SLC22A25: variants seen among roughly 807,000 people sequenced by gnomAD.
SLC22A25 encodes MGI:2442751, MGI:2385316, MGI:3042283, MGI:3645714, MGI:3605624, MGI:2442750.
A neutral mutation model predicts 45.9 loss-of-function variants in SLC22A25; 44 were observed. That is an observed-to-expected ratio of 0.96 (90% CI 0.75 to 1.23). SLC22A25 has a LOEUF of 1.23. SLC22A25 is among the 50% of genes most tolerant of loss of function. The pLI, the probability that SLC22A25 is intolerant of heterozygous loss-of-function variation, is 0.00. For missense variants in SLC22A25, 800 were observed against 666.4 expected (o/e 1.20, Z -2.21); for synonymous variants, 283 against 238.6 (o/e 1.19, Z -1.72).
chr11:63,180,159 C>T (rs373672819), intron 9 of SLC22A25, among the ~76,000 whole-genome samples: 1 of 152,064 alleles, frequency 6.6e-6, no homozygotes, highest in Non-Finnish European at 1.5e-5. Flanking sequence ...TATTTTTGTC[C>T]AGTCATTATT....
intron 7 of SLC22A25, among the ~76,000 whole-genome samples, chr11:63,189,481 G>A (rs553847388): frequency 2.6e-5 from 4 of 152,254 alleles, no homozygotes; most frequent in Non-Finnish European, 5.9e-5. Flanking sequence ...ACATTGATGG[G>A]TCTTGACTCT....
At chr11:63,191,956 T>A (rs2134756199) in intron 7 of SLC22A25, among the ~76,000 whole-genome samples, 1 of 151,202 alleles carries the variant, frequency 6.6e-6, no homozygotes, top group East Asian at 1.9e-4. Context: ...AACATTCAAA[T>A]TCAGGAAATG....
chr11:63,242,772 G>T (rs572524005), intron 1 of SLC22A25, among the ~76,000 whole-genome samples: 1 of 152,056 alleles, frequency 6.6e-6, no homozygotes, highest in Non-Finnish European at 1.5e-5. Context: ...GCCTTCCCTC[G>T]TTTCTATTGC....
rs563225963 is a variant in SLC22A25, at chr11:63,168,683, A to G, written c.1071-2425T>C. 3.3e-5 allele frequency among the ~76,000 whole-genome samples: 5 copies of G among 152,346 alleles called. No homozygotes were observed. In the South Asian group the frequency reaches 8.3e-4, roughly 25 times the overall value. On this transcript the variant is annotated intron_variant, in intron 9 of 11. Transcript: ENST00000306494. ...GGGACTCTGTGAAAAGACCAAATCT[A>G]TGATGGATTGGTGTACCTGAAAGTG... is the stretch of plus-strand genomic sequence containing the variant.
At chr11:63,195,491 C>T (rs969775858) in intron 7 of SLC22A25, among the ~76,000 whole-genome samples, 1 of 152,180 alleles carries the variant, frequency 6.6e-6, no homozygotes, top group African/African-American at 2.4e-5. Context: ...GAACGACCTG[C>T]TCCTGAATGA....
At chr11:63,215,142 T>C (rs1038402725) in intron 7 of SLC22A25, among the ~76,000 whole-genome samples, 1 of 152,218 alleles carries the variant, frequency 6.6e-6, no homozygotes, top group Admixed American at 6.5e-5. Context: ...CATATGTTTA[T>C]TGCAGAACTA....
At chr11:63,235,249 G>C (rs189484796) in intron 3 of SLC22A25, among the ~76,000 whole-genome samples, 151 of 152,284 alleles carry the variant, frequency 9.9e-4, no homozygotes, top group African/African-American at 3.5e-3. Flanking sequence ...TTTCCAACTT[G>C]GTTCCATTCT....
chr11:63,185,055 A>G (rs139659675), intron 7 of SLC22A25, among the ~76,000 whole-genome samples: 100 of 152,300 alleles, frequency 6.6e-4, no homozygotes, highest in East Asian at 5.6e-3. Context: ...ACAAAATATC[A>G]TAGAGTAGAA....
intron 7 of SLC22A25, among the ~76,000 whole-genome samples, chr11:63,205,588 C>T (rs1207337632): frequency 3.9e-5 from 6 of 152,104 alleles, no homozygotes; most frequent in Non-Finnish European, 5.9e-5. Flanking sequence ...TATACATTCT[C>T]CCAAGACTAA....
chr11:63,196,897 C>CT (rs1565093448), intron 7 of SLC22A25, among the ~76,000 whole-genome samples: 1 of 151,896 alleles, frequency 6.6e-6, no homozygotes, highest in South Asian at 2.1e-4. Flanking sequence ...TGATAAGCAA[C>CT]TCAGCAAAGT....
At chr11:63,231,409 G>A (rs1474409974) in intron 3 of SLC22A25, among the ~76,000 whole-genome samples, 3 of 152,226 alleles carry the variant, frequency 2.0e-5, no homozygotes, top group Admixed American at 6.5e-5. Flanking sequence ...CAGTGGTGAT[G>A]AGCATTTTTT....
intron 8 of SLC22A25, among the ~76,000 whole-genome samples, chr11:63,182,335 G>A (rs141559548): frequency 6.6e-5 from 10 of 151,946 alleles, no homozygotes; most frequent in East Asian, 1.9e-4. Flanking sequence ...TGTTGTTGTC[G>A]TTGTTTTGAA....
intron 5 of SLC22A25, among the ~76,000 whole-genome samples, chr11:63,227,274 C>T (rs1028682108): frequency 1.3e-5 from 2 of 152,078 alleles, no homozygotes; most frequent in African/African-American, 2.4e-5. Context: ...CAGCATATCT[C>T]GGAGTCTCTC....
chr11:63,183,564 T>C, intron 8 of SLC22A25, 130 bp downstream of exon 8: 2 of 1,162,442 alleles, frequency 1.7e-6, no homozygotes, highest in Non-Finnish European at 2.5e-6. Context: ...CCATTGAGAA[T>C]GATCGTGAGG....
intron 1 of SLC22A25, among the ~76,000 whole-genome samples, chr11:63,241,831 C>G (rs1164031691): frequency 6.6e-5 from 10 of 152,192 alleles, no homozygotes; most frequent in Non-Finnish European, 1.0e-4. Flanking sequence ...GCAACAGGGT[C>G]TCTGAACCAC....
intron 7 of SLC22A25, among the ~76,000 whole-genome samples, chr11:63,184,342 A>T (rs763088464): frequency 5.3e-5 from 8 of 152,054 alleles, no homozygotes; most frequent in Admixed American, 5.3e-4. Flanking sequence ...ATCATGTATG[A>T]TTGTTACAGA....
intron 7 of SLC22A25, among the ~76,000 whole-genome samples, chr11:63,211,645 A>T (rs2089566008): frequency 6.6e-6 from 1 of 152,140 alleles, no homozygotes. Context: ...TCCCTTCCTT[A>T]CACCTTATAC....
At chr11:63,234,711 TGA>T (rs1318618825) in intron 3 of SLC22A25, among the ~76,000 whole-genome samples, 2 of 152,242 alleles carry the variant, frequency 1.3e-5, no homozygotes, top group African/African-American at 4.8e-5. Flanking sequence ...GCTTGTTAGT[TGA>T]TGCAGTTTGT....
rs1207939892 is a variant in SLC22A25, at chr11:63,161,440, G to T, written c.*2384C>A. 6.6e-6 allele frequency among the ~76,000 whole-genome samples: 1 copy of T among 152,132 alleles called. No homozygotes were observed. ...GGGCAGAATGATATGGTTTGACTGTGTCCGCCTACCCAATCTCATCTTGAA... is the reference window on the plus strand; with the variant it reads ...GGGCAGAATGATATGGTTTGACTGTTTCCGCCTACCCAATCTCATCTTGAA... On this transcript the variant is annotated 3_prime_UTR_variant, in exon 12 of 12. Coordinates refer to ENST00000306494, the MANE Select transcript of SLC22A25 (RefSeq NM_199352.6).
Sources: gnomAD v4.1 joint callset for allele counts (sites outside exome capture counted in the v4.1 genomes callset) on GRCh38, gnomAD v4.1.1 for gene constraint, MANE v1.5 for transcripts, NCBI Gene and HGNC (gene_info 2026-07-23, HGNC 2026-07-21) for gene names.